The following SCN2A variants were observed in gnomAD, a reference collection of about 807,000 sequenced individuals.
SCN2A encodes sodium voltage-gated channel alpha subunit 2.
SCN2A carries 20 observed loss-of-function variants against 188.7 expected under a neutral mutation model. The ratio of observed to expected loss-of-function variants is 0.11; its 90% CI spans 0.07 to 0.15. The LOEUF (loss-of-function observed/expected upper bound fraction) is 0.15, where lower values mean the gene tolerates loss of function less well. Ranked by LOEUF, SCN2A falls within the 10% of genes least tolerant of loss-of-function variation. The pLI is 1.00. For missense variants in SCN2A, 1,278 were observed against 2,445.0 expected (o/e 0.52, Z 10.07); for synonymous variants, 804 against 833.1 (o/e 0.97, Z 0.60).
At chr2:165,335,183 AAATT>A (rs201100031) in intron 14 of SCN2A, among the ~76,000 whole-genome samples, 2,407 of 151,826 alleles carry the variant, frequency 0.016, 59 homozygotes, top group African/African-American at 0.054. Context: ...AATACTCACC[AAATT>A]AATCTACAAA....
intron 22 of SCN2A, among the ~76,000 whole-genome samples, chr2:165,375,731 AG>A (rs2105374892): frequency 6.6e-6 from 1 of 152,122 alleles, no homozygotes; most frequent in East Asian, 1.9e-4. Context: ...AATATTAAAA[AG>A]ATTTTCAAAA....
Position 165,309,385 on chromosome 2 carries a change from C to T in SCN2A, c.639C>T (p.Val213=). 1 of 1,613,674 alleles carries T rather than the reference C, an allele frequency of 6.2e-7. No homozygotes were observed. ...CAGAGTTTGTGGACCTGGGCAATGT[C>T]TCAGCGTTGAGAACATTCAGAGTTC... The part of the protein sequence containing the change: ...YVTEFVDLGN[V]SALRTFRVLR... The change falls in exon 6 of 27, where the codon GTC becomes GTT. Residue 213 remains valine, a synonymous_variant. Transcript: ENST00000375437.
intron 1 of SCN2A, among the ~76,000 whole-genome samples, chr2:165,265,562 C>T (rs572661599): frequency 5.9e-5 from 7 of 118,320 alleles, no homozygotes; most frequent in African/African-American, 1.3e-4. Flanking sequence ...AATCTTTTAT[C>T]GTATCCCTTA....
At chr2:165,346,796 C>G (rs1411345563) in intron 16 of SCN2A, among the ~76,000 whole-genome samples, 1 of 152,200 alleles carries the variant, frequency 6.6e-6, no homozygotes, top group Admixed American at 6.5e-5. Flanking sequence ...TGAACAGACA[C>G]TTCTCAAAAG....
chr2:165,323,999 T>C (rs572486640), intron 12 of SCN2A, among the ~76,000 whole-genome samples: 1 of 152,298 alleles, frequency 6.6e-6, no homozygotes, highest in Non-Finnish European at 1.5e-5. Context: ...TAGCATCCAC[T>C]CTAATGATCT....
intron 14 of SCN2A, among the ~76,000 whole-genome samples, chr2:165,337,973 T>C (rs572981731): frequency 2.2e-4 from 33 of 152,278 alleles, no homozygotes; most frequent in Non-Finnish European, 3.8e-4. Context: ...CATAAATAAA[T>C]TGTAAATCAC....
intron 17 of SCN2A, among the ~76,000 whole-genome samples, chr2:165,355,785 T>A (rs1054719118): frequency 2.6e-5 from 4 of 151,882 alleles, no homozygotes; most frequent in Admixed American, 6.6e-5. Flanking sequence ...GATCACGAGG[T>A]CAGGAGTTCG....
At chr2:165,337,087 GGAATAAACA>G (rs1559371596) in intron 14 of SCN2A, among the ~76,000 whole-genome samples, 1 of 151,672 alleles carries the variant, frequency 6.6e-6, no homozygotes, top group Non-Finnish European at 1.5e-5. Context: ...GGGGTCATAA[GGAATAAACA>G]GAGAACATGA....
chr2:165,307,739 C>CAA, intron 3 of SCN2A, 109 bp from the exon 4 acceptor site: 1 of 804,120 alleles, frequency 1.2e-6, no homozygotes, highest in Non-Finnish European at 2.2e-6. Flanking sequence ...TAATAAGCAA[C>CAA]AAAATAATAG....
At chr2:165,285,192 C>A (rs1695775154) in intron 1 of SCN2A, 1 of 152,910 alleles carries the variant, frequency 6.5e-6, no homozygotes, top group Non-Finnish European at 1.5e-5. Flanking sequence ...GCATTTTGAA[C>A]AAGATGAAGA....
intron 15 of SCN2A, among the ~76,000 whole-genome samples, chr2:165,343,576 G>A (rs915253354): frequency 6.6e-6 from 1 of 152,040 alleles, no homozygotes; most frequent in Non-Finnish European, 1.5e-5. Flanking sequence ...TAAATACTTT[G>A]GTGCATGTAT....
intron 21 of SCN2A, among the ~76,000 whole-genome samples, chr2:165,373,871 G>A (rs576182559): frequency 3.9e-5 from 6 of 152,018 alleles, no homozygotes; most frequent in East Asian, 3.9e-4. Flanking sequence ...GACATTTGTC[G>A]TCCCCTGAGG....
chr2:165,364,380 A>G (rs1700615988), intron 17 of SCN2A, among the ~76,000 whole-genome samples: 1 of 152,214 alleles, frequency 6.6e-6, no homozygotes, highest in Non-Finnish European at 1.5e-5. Flanking sequence ...TTCAAGATAT[A>G]AAACAACTTC....
intron 16 of SCN2A, among the ~76,000 whole-genome samples, chr2:165,349,423 G>A (rs1365363257): frequency 6.6e-6 from 1 of 152,152 alleles, no homozygotes; most frequent in East Asian, 1.9e-4. Context: ...GCAGGAGAAT[G>A]CAGAATAGAT....
At chr2:165,282,498 G>T (rs763145532) in intron 1 of SCN2A, among the ~76,000 whole-genome samples, 19 of 152,204 alleles carry the variant, frequency 1.2e-4, no homozygotes, top group Non-Finnish European at 2.5e-4. Context: ...AAAGCCATCA[G>T]ATCAGTAGAC....
intron 16 of SCN2A, among the ~76,000 whole-genome samples, chr2:165,348,175 A>G (rs1285184984): frequency 1.3e-5 from 2 of 152,090 alleles, no homozygotes; most frequent in African/African-American, 4.8e-5. Context: ...CCTAGTCAAC[A>G]TGGCAAAACC....
intron 17 of SCN2A, among the ~76,000 whole-genome samples, chr2:165,356,391 A>G (rs1268727945): frequency 6.6e-6 from 1 of 152,204 alleles, no homozygotes; most frequent in African/African-American, 2.4e-5. Context: ...TAGTTGGGTT[A>G]TGCTGGAAGG....
Position 165,342,316 on chromosome 2 carries a change from A to T in SCN2A, c.2409A>T (p.Thr803=). ...VGNLVFTGIF[T]AEMFLKIIAM... ...TTTAGGTCTTCACAGGGATCTTCAC[A>T]GCAGAAATGTTTCTCAAGATAATTG... The change falls in exon 15 of 27, where the codon ACA becomes ACT. Residue 803 remains threonine, a synonymous_variant. Coordinates refer to ENST00000375437, the MANE Select transcript of SCN2A (RefSeq NM_001040142.2). 4 of 1,613,968 alleles carry T rather than the reference A, an allele frequency of 2.5e-6. No individual in the cohort carries two copies. Among genetic ancestry groups the T allele is most frequent in the Non-Finnish European group, 3.4e-6 (4 of 1,179,910 alleles).
intron 16 of SCN2A, among the ~76,000 whole-genome samples, chr2:165,346,904 G>T (rs913362368): frequency 6.6e-6 from 1 of 152,142 alleles, no homozygotes; most frequent in Non-Finnish European, 1.5e-5. Context: ...ACCACTTCAC[G>T]CCAGTTAGAA....
Sources: allele counts gnomAD v4.1 joint callset (sites outside exome capture counted in the v4.1 genomes callset), GRCh38; gene constraint gnomAD v4.1.1; transcripts MANE v1.5; gene names NCBI Gene and HGNC (gene_info 2026-07-23, HGNC 2026-07-21).